GPC5: variants seen among roughly 807,000 people sequenced by gnomAD.
GPC5 encodes glypican 5.
In GPC5, 47 loss-of-function variants were observed where a neutral mutation model predicts 53.9. The observed-to-expected ratio is 0.87, with a 90% CI of 0.69 to 1.11. GPC5 has a LOEUF of 1.11. Ranked by LOEUF, GPC5 falls within the 50% of genes most tolerant of loss-of-function variation. The pLI is 0.00. For synonymous variants in GPC5, 286 were observed against 263.3 expected (o/e 1.09, Z -0.84); for missense variants, 748 against 713.1 (o/e 1.05, Z -0.56).
intron 6 of GPC5, among the ~76,000 whole-genome samples, chr13:92,072,928 C>T (rs748902103): frequency 3.3e-5 from 5 of 152,062 alleles, no homozygotes; most frequent in South Asian, 2.1e-4. Flanking sequence ...TGACATAAAC[C>T]GACAAAAGAA....
intron 2 of GPC5, among the ~76,000 whole-genome samples, chr13:91,622,970 G>A (rs1357249967): frequency 6.6e-6 from 1 of 152,048 alleles, no homozygotes; most frequent in Non-Finnish European, 1.5e-5. Context: ...TACCTCATGA[G>A]GAATAATTGC....
intron 6 of GPC5, among the ~76,000 whole-genome samples, chr13:91,972,174 G>T (rs2139092943): frequency 6.6e-6 from 1 of 152,196 alleles, no homozygotes; most frequent in East Asian, 1.9e-4. Context: ...TATATATTTA[G>T]GATAGTTAGC....
At chr13:92,075,592 A>G (rs376119613) in intron 6 of GPC5, among the ~76,000 whole-genome samples, 36 of 152,296 alleles carry the variant, frequency 2.4e-4, no homozygotes, top group African/African-American at 8.4e-4. Context: ...TATTGCAAAT[A>G]TTTTTATCAT....
chr13:92,639,955 C>G (rs1462393580), intron 7 of GPC5, among the ~76,000 whole-genome samples: 2 of 151,618 alleles, frequency 1.3e-5, no homozygotes. Flanking sequence ...TATAAGTGAT[C>G]CTGAGGATTT....
At chr13:92,582,547 A>C (rs1429751867) in intron 7 of GPC5, among the ~76,000 whole-genome samples, 3 of 152,010 alleles carry the variant, frequency 2.0e-5, no homozygotes, top group Non-Finnish European at 4.4e-5. Context: ...ATATCATTGG[A>C]ACTTTGATAG....
chr13:92,284,451 T>TA (rs1008065459), intron 7 of GPC5, among the ~76,000 whole-genome samples: 2 of 152,128 alleles, frequency 1.3e-5, no homozygotes, highest in African/African-American at 4.8e-5. Flanking sequence ...AAGAGAATTT[T>TA]AGACCGATAT....
intron 7 of GPC5, among the ~76,000 whole-genome samples, chr13:92,441,196 C>T (rs536086819): frequency 6.6e-6 from 1 of 152,262 alleles, no homozygotes; most frequent in East Asian, 1.9e-4. Flanking sequence ...ATCAGCCTCC[C>T]AAGTAGCTGG....
chr13:92,022,874 A>G (rs1463000160), intron 6 of GPC5, among the ~76,000 whole-genome samples: 2 of 152,004 alleles, frequency 1.3e-5, no homozygotes, highest in African/African-American at 2.4e-5. Context: ...AATTACTCAA[A>G]TATTTGTTAA....
chr13:91,959,101 C>CACAT (rs3221585), intron 6 of GPC5, among the ~76,000 whole-genome samples: 3 of 142,388 alleles, frequency 2.1e-5, no homozygotes, highest in Non-Finnish European at 4.6e-5. Context: ...CACACACACA[C>CACAT]ATCAATGATG....
intron 2 of GPC5, among the ~76,000 whole-genome samples, chr13:91,559,573 G>T (rs1194814003): frequency 1.3e-5 from 2 of 152,148 alleles, no homozygotes; most frequent in African/African-American, 2.4e-5. Context: ...AATTGGGAAA[G>T]AATAGAATCC....
At chr13:92,590,790 G>A (rs1883688564) in intron 7 of GPC5, among the ~76,000 whole-genome samples, 1 of 152,136 alleles carries the variant, frequency 6.6e-6, no homozygotes, top group Non-Finnish European at 1.5e-5. Context: ...TATTTATTGA[G>A]CACTTTCCAT....
At chr13:91,648,473 T>G (rs1351939547) in intron 2 of GPC5, among the ~76,000 whole-genome samples, 2 of 152,160 alleles carry the variant, frequency 1.3e-5, no homozygotes, top group Non-Finnish European at 2.9e-5. Flanking sequence ...TATTTTTTGA[T>G]ATATATAAAT....
chr13:91,418,549 A>G (rs577993776), intron 1 of GPC5, among the ~76,000 whole-genome samples: 33 of 152,324 alleles, frequency 2.2e-4, no homozygotes, highest in Admixed American at 1.2e-3. Context: ...TTTGTTTTGC[A>G]TAGTACACAC....
At chr13:92,090,726 G>A (rs1450419448) in intron 6 of GPC5, among the ~76,000 whole-genome samples, 2 of 152,172 alleles carry the variant, frequency 1.3e-5, no homozygotes, top group Non-Finnish European at 2.9e-5. Context: ...AGAAAATGAT[G>A]TTTTGTGTAG....
chr13:92,066,542 A>C (rs1189017187), intron 6 of GPC5, among the ~76,000 whole-genome samples: 1 of 152,070 alleles, frequency 6.6e-6, no homozygotes, highest in African/African-American at 2.4e-5. Context: ...GGGAACATTA[A>C]AACCATAGCA....
chr13:92,458,217 T>G (rs75776466), intron 7 of GPC5, among the ~76,000 whole-genome samples: 1 of 148,402 alleles, frequency 6.7e-6, no homozygotes, highest in Non-Finnish European at 1.5e-5. Flanking sequence ...TCTATATGCT[T>G]AAAGGCTGGG....
At chr13:92,308,496 T>C (rs1340430171) in intron 7 of GPC5, among the ~76,000 whole-genome samples, 1 of 152,212 alleles carries the variant, frequency 6.6e-6, no homozygotes, top group Admixed American at 6.5e-5. Context: ...AAGAATGACC[T>C]TGTTCTTAAG....
intron 7 of GPC5, among the ~76,000 whole-genome samples, chr13:92,800,758 G>A (rs1234819629): frequency 6.6e-6 from 1 of 151,822 alleles, no homozygotes; most frequent in Non-Finnish European, 1.5e-5. Context: ...AGTTCATTAA[G>A]AGGAGAATAA....
intron 2 of GPC5, among the ~76,000 whole-genome samples, chr13:91,596,494 A>C (rs2032999482): frequency 6.6e-6 from 1 of 152,182 alleles, no homozygotes; most frequent in Admixed American, 6.5e-5. Context: ...TTTTCTTTTG[A>C]TTATGAGTTG....
Sources: gnomAD v4.1 joint callset for allele counts (sites outside exome capture counted in the v4.1 genomes callset) on GRCh38, gnomAD v4.1.1 for gene constraint, MANE v1.5 for transcripts, NCBI Gene and HGNC (gene_info 2026-07-23, HGNC 2026-07-21) for gene names.